Variants in SLC41A1 observed in about 807,000 individuals in gnomAD.
The protein encoded by SLC41A1 is solute carrier family 41 member 1.
Under a neutral mutation model 47.3 loss-of-function variants are expected in SLC41A1, and 20 were observed. The ratio of observed to expected loss-of-function variants is 0.42; its 90% CI spans 0.30 to 0.61. SLC41A1 has a LOEUF of 0.61. Ranked by LOEUF, SLC41A1 falls within the 20% of genes least tolerant of loss-of-function variation. The pLI, the probability that SLC41A1 is intolerant of heterozygous loss-of-function variation, is 0.17. For synonymous variants in SLC41A1, 282 were observed against 272.7 expected (o/e 1.03, Z -0.34); for missense variants, 504 against 674.1 (o/e 0.75, Z 2.79).
chr1:205,799,418 A>G (rs565441564), intron 4 of SLC41A1, among the ~76,000 whole-genome samples: 1 of 152,266 alleles, frequency 6.6e-6, no homozygotes, highest in Admixed American at 6.5e-5. Context: ...TCAAGGGGGA[A>G]GGCTCCCAGT....
At chr1:205,808,183 T>C (rs995930663) in intron 2 of SLC41A1, among the ~76,000 whole-genome samples, 1 of 152,184 alleles carries the variant, frequency 6.6e-6, no homozygotes, top group Non-Finnish European at 1.5e-5. Flanking sequence ...CTCAAACTCC[T>C]GACCTCAGGT....
At position 205,810,586 on chromosome 1, in the gene SLC41A1, C is replaced by T; in HGVS notation, c.-145G>A. ...CTCTTCCCACGGCTCTCCACTCCTA[C>T]CAGGCACTGCAAAAACTGATCCACC... On this transcript the variant is annotated 5_prime_UTR_variant, in exon 2 of 11. Coordinates refer to ENST00000367137, the MANE Select transcript of SLC41A1 (RefSeq NM_173854.6). This position sits in a 1 kb window ranked among gnomAD's most constrained non-coding sequence, Gnocchi z 5.5. 2 of 1,238,400 alleles carry T rather than the reference C, an allele frequency of 1.6e-6. No homozygotes were observed. The highest frequency in any genetic ancestry group is 2.4e-5 in the East Asian group (1 of 41,914). 76.7% of individuals were successfully genotyped at this position (1,238,400 alleles called of 1,614,324 possible).
intron 6 of SLC41A1, 108 bp from the exon 7 acceptor site, chr1:205,798,159 A>G: frequency 4.7e-6 from 7 of 1,476,062 alleles, no homozygotes; most frequent in Non-Finnish European, 5.6e-6. Context: ...AGACTACACT[A>G]AATGCCAGTA....
rs747321870 is a variant in SLC41A1 at position 205,799,112 on chromosome 1, G to C, written c.553-11C>G. 2 of 1,611,596 alleles carry C rather than the reference G, an allele frequency of 1.2e-6. No individual in the cohort carries two copies. The highest frequency in any genetic ancestry group is 1.3e-5 in the African/African-American group (1 of 74,992). ...CACCGTGGCCTGCACCTGGGGACAGGAGTGGTAACTCAGAAAGCCCTGAGA... is the reference window on the plus strand; with the variant it reads ...CACCGTGGCCTGCACCTGGGGACAGCAGTGGTAACTCAGAAAGCCCTGAGA... On this transcript the variant is annotated splice_polypyrimidine_tract_variant and intron_variant, in intron 4 of 10. Transcript: ENST00000367137.
At position 205,798,773 on chromosome 1, in the gene SLC41A1, C is replaced by T. The variant is rs1206157810; in HGVS notation, c.740G>A (p.Gly247Glu). ...IGVIIGSRKIGINPDNVATPI... is the reference protein window; with the variant it reads ...IGVIIGSRKIEINPDNVATPI... The stretch of plus-strand genomic sequence containing the variant: ...TGTGGCCACGTTGTCTGGGTTGATC[C>T]CAATCTTGCGAGAGCCAATGATGAC... The change falls in exon 6 of 11, where the codon GGG becomes GAG. Residue 247 changes from glycine (G) to glutamate (E), a missense_variant. By Grantham distance (98) the Gly-to-Glu change is moderately conservative. Transcript: ENST00000367137. The T allele has an allele frequency of 6.2e-7, 1 of 1,614,060 alleles. No individual in the cohort carries two copies. Among genetic ancestry groups the T allele is most frequent in the East Asian group, 2.2e-5 (1 of 44,848 alleles).
At chr1:205,792,235 T>C (rs1391238547) in intron 10 of SLC41A1, among the ~76,000 whole-genome samples, 1 of 152,254 alleles carries the variant, frequency 6.6e-6, no homozygotes, top group African/African-American at 2.4e-5. Context: ...AAGTAACAGA[T>C]GATCATCCCA....
intron 1 of SLC41A1, 130 bp downstream of exon 1, chr1:205,812,678 C>T: frequency 1.1e-6 from 1 of 918,980 alleles, no homozygotes; most frequent in Non-Finnish European, 1.3e-6. Flanking sequence ...TCCCCAACCC[C>T]GAGGAGGGAG....
At chr1:205,801,342 G>A in intron 2 of SLC41A1, 2 of 402,036 alleles carry the variant, frequency 5.0e-6, no homozygotes, top group South Asian at 2.1e-5. Flanking sequence ...TCCTGGAGGT[G>A]GGTGGGGAAG....
intron 8 of SLC41A1, chr1:205,795,785 A>G (rs1655736197): frequency 4.4e-6 from 2 of 457,382 alleles, no homozygotes; most frequent in East Asian, 8.8e-5. Flanking sequence ...GCAGATCTGC[A>G]GACTCAGAGA....
At chr1:205,808,318 G>A (rs925852622) in intron 2 of SLC41A1, among the ~76,000 whole-genome samples, 2 of 152,162 alleles carry the variant, frequency 1.3e-5, no homozygotes, top group African/African-American at 2.4e-5. Context: ...AGGGGTTAGT[G>A]GTGTGGGCTC....
chr1:205,799,437 G>A (rs1655820451), intron 4 of SLC41A1, among the ~76,000 whole-genome samples: 1 of 152,198 alleles, frequency 6.6e-6, no homozygotes, highest in African/African-American at 2.4e-5. Flanking sequence ...GTCTGAACCT[G>A]TGTGGTCTCA....
intron 3 of SLC41A1, among the ~76,000 whole-genome samples, chr1:205,800,463 G>A (rs755510832): frequency 6.6e-6 from 1 of 152,158 alleles, no homozygotes; most frequent in Non-Finnish European, 1.5e-5. Context: ...TAGGAATGAC[G>A]AGCAGCTCCT....
Position 205,791,047 on chromosome 1 carries a change from T to TAAAAAA in SLC41A1, c.*485_*486insTTTTTT. 7 of 226,618 alleles carry TAAAAAA rather than the reference T, an allele frequency of 3.1e-5. No homozygotes were observed. Among genetic ancestry groups the TAAAAAA allele is most frequent in the South Asian group, 1.9e-4 (3 of 15,638 alleles). The allele number at this position is 226,618 out of a possible 1,614,324, so 14.0% of individuals were successfully genotyped here. A position where few individuals can be genotyped will look rare whatever the true frequency, so the allele number is the denominator to read the frequency against. ...GTCCAGAGCTTTGAAGTTGGTCCAC[T>TAAAAAA]TCTACAAAAGTATGTCTGTGTTTGG... is the stretch of plus-strand genomic sequence containing the variant. On this transcript the variant is annotated 3_prime_UTR_variant, in exon 11 of 11. Coordinates refer to ENST00000367137, the MANE Select transcript of SLC41A1 (RefSeq NM_173854.6). This position sits in a 1 kb window ranked among gnomAD's most constrained non-coding sequence, Gnocchi z 4.0.
chr1:205,812,983 C>G lies in SLC41A1; in HGVS notation c.-822G>C. ...GAGCGTCCAGCCGCGACACCCGGCT[C>G]GCTACATTTCGCTTCTGCGTTACAG... On this transcript the variant is annotated 5_prime_UTR_variant, in exon 1 of 11. Coordinates refer to ENST00000367137, the MANE Select transcript of SLC41A1 (RefSeq NM_173854.6). 2 of 985,852 alleles carry G rather than the reference C, an allele frequency of 2.0e-6. No homozygotes were observed. Among genetic ancestry groups the G allele is most frequent in the Non-Finnish European group, 2.4e-6 (2 of 830,260 alleles). 61.1% of individuals were successfully genotyped at this position (985,852 alleles called of 1,614,324 possible).
intron 1 of SLC41A1, among the ~76,000 whole-genome samples, chr1:205,811,844 A>G (rs1656163671): frequency 6.6e-6 from 1 of 152,242 alleles, no homozygotes; most frequent in South Asian, 2.1e-4. Flanking sequence ...AGCTTGTCAG[A>G]TAGGACAAGG....
chr1:205,813,115 C>G lies in SLC41A1; in HGVS notation c.-954G>C, dbSNP rs1656203030. 6.1e-6 allele frequency: 6 copies of G among 985,398 alleles called. No homozygotes were observed. Among genetic ancestry groups the G allele is most frequent in the Non-Finnish European group, 7.2e-6 (6 of 830,034 alleles). The allele number at this position is 985,398 out of a possible 1,614,324, so 61.0% of individuals were successfully genotyped here. On this transcript the variant is annotated 5_prime_UTR_variant, in exon 1 of 11. Coordinates refer to ENST00000367137, the MANE Select transcript of SLC41A1 (RefSeq NM_173854.6). ...CCGGACGGGGGACCGGGGAGCCGAG[C>G]TCACGCGCCCCCAATCGCTTCTTGC...
chr1:205,795,114 G>C (rs1240430088), intron 9 of SLC41A1, 96 bp from the exon 10 acceptor site: 15 of 1,526,114 alleles, frequency 9.8e-6, no homozygotes, highest in African/African-American at 8.2e-5. Flanking sequence ...CCATACCCCA[G>C]GGCAACAGAC....
At position 205,798,698 on chromosome 1, in the gene SLC41A1, C is replaced by A. The variant is rs1655802300; in HGVS notation, c.815G>T (p.Gly272Val). The A allele has an allele frequency of 6.2e-7, 1 of 1,614,080 alleles. No homozygotes were observed. Among genetic ancestry groups the A allele is most frequent in the African/African-American group, 1.3e-5 (1 of 74,934 alleles). The change falls in exon 6 of 11, where the codon GGC (glycine) becomes GTC (valine). Residue 272 changes from glycine to valine, a missense_variant. Transcript: ENST00000367137. ...TTCCAGGTAGAGTCCCCAGCTGATGCCTGAGAGCAGCGCCAAGGTGATGAG... is the reference window on the plus strand; with the variant it reads ...TTCCAGGTAGAGTCCCCAGCTGATGACTGAGAGCAGCGCCAAGGTGATGAG... ...GDLITLALLS[G>V]ISWGLYLELN...
chr1:205,797,946 T>C lies in SLC41A1; in HGVS notation c.950A>G (p.Tyr317Cys). 1 of 1,613,240 alleles carries C rather than the reference T, an allele frequency of 6.2e-7. No individual in the cohort carries two copies. The change falls in exon 7 of 11, where the codon TAC (tyrosine) becomes TGC (cysteine). Residue 317 changes from tyrosine (Y) to cysteine (C), a missense_variant. By Grantham distance (194) the Tyr-to-Cys change is radical (BLOSUM62 -2). This residue lies in a region of SLC41A1 where 421 missense variants were observed against 601.6 expected (regional missense o/e 0.70). Coordinates refer to ENST00000367137, the MANE Select transcript of SLC41A1 (RefSeq NM_173854.6). ...RRSPATREVL[Y>C]SGWEPVIIAM... Reference sequence around the variant, plus strand: ...AATGATAACAGGCTCCCAGCCCGAGTACAACACCTCCCTTGTGGCTGGACT... The same window carrying C: ...AATGATAACAGGCTCCCAGCCCGAGCACAACACCTCCCTTGTGGCTGGACT...
Sources: gnomAD v4.1 joint callset for allele counts (sites outside exome capture counted in the v4.1 genomes callset) on GRCh38, gnomAD v4.1.1 for gene constraint, gnomAD v4.1.1 regional missense constraint, Gnocchi (gnomAD v3.1) non-coding constraint, MANE v1.5 for transcripts, NCBI Gene and HGNC (gene_info 2026-07-23, HGNC 2026-07-21) for gene names.